PPM1H: variants seen among roughly 807,000 people sequenced by gnomAD.
PPM1H encodes protein phosphatase 1H.
Under a neutral mutation model 54.9 loss-of-function variants are expected in PPM1H, and 27 were observed. The observed-to-expected ratio is 0.49, with a 90% CI of 0.36 to 0.68. The LOEUF is 0.68. Ranked by LOEUF, PPM1H falls within the 30% of genes least tolerant of loss-of-function variation. The probability of loss-of-function intolerance (pLI) is 0.00; values close to 1 mark genes in which losing one functional copy is unlikely to be tolerated. For missense variants in PPM1H, 596 were observed against 667.8 expected, an observed-to-expected ratio of 0.89 and a Z score of 1.19; for synonymous variants, 305 against 270.8, an observed-to-expected ratio of 1.13 and a Z score of -1.24.
intron 4 of PPM1H, among the ~76,000 whole-genome samples, chr12:62,757,587 T>G (rs76496691): frequency 6.6e-6 from 1 of 152,184 alleles, no homozygotes; most frequent in Non-Finnish European, 1.5e-5. Context: ...TCACCAGAAA[T>G]GTACCATCAT....
At chr12:62,810,518 A>G (rs1158566916) in intron 2 of PPM1H, among the ~76,000 whole-genome samples, 2 of 152,096 alleles carry the variant, frequency 1.3e-5, no homozygotes, top group Non-Finnish European at 2.9e-5. Flanking sequence ...CACCCCTCAT[A>G]CTGTTGGCAA....
intron 1 of PPM1H, among the ~76,000 whole-genome samples, chr12:62,924,589 C>G (rs1390926095): frequency 6.6e-6 from 1 of 152,132 alleles, no homozygotes; most frequent in Non-Finnish European, 1.5e-5. Context: ...TTTTTCTAAG[C>G]TTTTCTCATA....
chr12:62,843,264 C>T (rs1396186680), intron 1 of PPM1H, among the ~76,000 whole-genome samples: 1 of 152,112 alleles, frequency 6.6e-6, no homozygotes, highest in Non-Finnish European at 1.5e-5. Flanking sequence ...ATGCAGTGAG[C>T]CGAGATGGCG....
At chr12:62,731,805 C>T (rs1018662455) in intron 5 of PPM1H, among the ~76,000 whole-genome samples, 2 of 152,020 alleles carry the variant, frequency 1.3e-5, no homozygotes, top group African/African-American at 4.8e-5. Flanking sequence ...AAATATGTAC[C>T]GGCAGAATGG....
At chr12:62,799,850 C>A (rs181346436) in intron 3 of PPM1H, among the ~76,000 whole-genome samples, 114 of 152,260 alleles carry the variant, frequency 7.5e-4, no homozygotes, top group Middle Eastern at 3.4e-3. Flanking sequence ...GGCTAGGTCA[C>A]CCCTCCTCAG....
chr12:62,799,851 C>T (rs1012026772), intron 3 of PPM1H, among the ~76,000 whole-genome samples: 27 of 152,204 alleles, frequency 1.8e-4, no homozygotes, highest in African/African-American at 6.5e-4. Context: ...GCTAGGTCAC[C>T]CCTCCTCAGG....
At position 62,661,290 on chromosome 12, in the gene PPM1H, T is replaced by G. The variant is rs369299304; in HGVS notation, c.1397+5888A>C. 2.0e-5 allele frequency among the ~76,000 whole-genome samples: 3 copies of G among 152,218 alleles called. No homozygotes were observed. The East Asian group carries it at 5.8e-4, about 29-fold the overall frequency. On this transcript the variant is annotated intron_variant, in intron 9 of 9. Coordinates refer to ENST00000228705, the MANE Select transcript of PPM1H (RefSeq NM_020700.2). ...AGCTGAGGTGTGTGTTCTTCACGAG[T>G]ATCTAGCAGGCCTTGGCTCACAAAA... is the stretch of plus-strand genomic sequence containing the variant.
chr12:62,819,992 C>A (rs2076892601), intron 2 of PPM1H, among the ~76,000 whole-genome samples: 2 of 152,216 alleles, frequency 1.3e-5, no homozygotes, highest in Non-Finnish European at 2.9e-5. Context: ...CTGGGAAGCG[C>A]AAGGGGTCGG....
At chr12:62,702,544 CAGAGAGAGAGAGAG>C (rs66497730) in intron 6 of PPM1H, among the ~76,000 whole-genome samples, 118 of 140,734 alleles carry the variant, frequency 8.4e-4, no homozygotes, top group African/African-American at 3.1e-3. Context: ...CCTTGAGCTA[CAGAGAGAGAGAGAG>C]AGAGAGAGAG....
intron 2 of PPM1H, among the ~76,000 whole-genome samples, chr12:62,804,380 A>G (rs1390497131): frequency 4.0e-5 from 6 of 151,106 alleles, no homozygotes; most frequent in Admixed American, 2.6e-4. Flanking sequence ...AAGAAAATAA[A>G]GTTGCATTTA....
In PPM1H at chr12:62,645,849, T is replaced by G. The variant is rs2075781605; in HGVS notation, c.*2640A>C. The G allele has an allele frequency of 6.6e-6, 1 of 152,220 alleles. No homozygotes were observed. Among genetic ancestry groups the G allele is most frequent in the Admixed American group, 6.5e-5 (1 of 15,294 alleles). The allele number at this position is 152,220 out of a possible 1,614,324, so 9.4% of individuals were successfully genotyped here. On this transcript the variant is annotated 3_prime_UTR_variant, in exon 10 of 10. Coordinates refer to ENST00000228705, the MANE Select transcript of PPM1H (RefSeq NM_020700.2). Reference sequence around the variant, plus strand: ...TTCTGAACCATGTATAAATACGTTCTGCAGAATTTCGAAGTGTGCGTCCTT... The same window carrying G: ...TTCTGAACCATGTATAAATACGTTCGGCAGAATTTCGAAGTGTGCGTCCTT...
At position 62,694,794 on chromosome 12, in the gene PPM1H, A is replaced by G. The variant is rs148021529; in HGVS notation, c.1074-795T>C. On this transcript the variant is annotated intron_variant, in intron 6 of 9. Transcript: ENST00000228705. ...GTTTCCTCATCTGTACAATGAGGCT[A>G]ATACACAGGATACAAAGAGCTCAGT... Among the ~76,000 whole-genome samples the G allele has an allele frequency of 9.0e-3, 1,365 of 152,326 alleles. 12 individuals are homozygous for G. The highest frequency in any genetic ancestry group is 0.026 in the South Asian group (127 of 4,828).
Position 62,934,708 on chromosome 12 carries a change from G to T in PPM1H, c.29C>A (p.Ala10Asp). Reference sequence around the variant, plus strand: ...AGCCATGATGCCGCCCATGAAATTGGCCACGGCAGATTTCACTCGAGTGAG... The same window carrying T: ...AGCCATGATGCCGCCCATGAAATTGTCCACGGCAGATTTCACTCGAGTGAG... MLTRVKSAVANFMGGIMAGS... is the reference protein window; with the variant it reads MLTRVKSAVDNFMGGIMAGS... Residue 10 changes from alanine (A) to aspartate (D), a missense_variant, in exon 1 of 10, where the codon GCC becomes GAC. This residue lies in a region of PPM1H where 382 missense variants were observed against 387.1 expected (regional missense o/e 0.99). Coordinates refer to ENST00000228705, the MANE Select transcript of PPM1H (RefSeq NM_020700.2). The surrounding 1 kb of genome is among the most constrained non-coding windows in gnomAD (Gnocchi z 4.2). The T allele has an allele frequency of 1.2e-6, 2 of 1,605,770 alleles. No individual in the cohort carries two copies. The highest frequency in any genetic ancestry group is 1.7e-6 in the Non-Finnish European group (2 of 1,175,694).
At chr12:62,865,018 C>T (rs1869724878) in intron 1 of PPM1H, among the ~76,000 whole-genome samples, 1 of 152,200 alleles carries the variant, frequency 6.6e-6, no homozygotes, top group African/African-American at 2.4e-5. Flanking sequence ...GTCCACTCCT[C>T]ATTAGGGCCA....
intron 1 of PPM1H, among the ~76,000 whole-genome samples, chr12:62,905,460 T>C (rs915454325): frequency 1.3e-5 from 2 of 152,182 alleles, no homozygotes; most frequent in African/African-American, 2.4e-5. Flanking sequence ...GTGAAAGACA[T>C]GATTTCATGA....
intron 2 of PPM1H, among the ~76,000 whole-genome samples, chr12:62,804,971 G>C (rs190290607): frequency 0.012 from 1,760 of 152,138 alleles, 12 homozygotes; most frequent in Non-Finnish European, 0.018. Flanking sequence ...CACCGCGCCC[G>C]GCCCATTTTG....
intron 8 of PPM1H, among the ~76,000 whole-genome samples, chr12:62,681,827 T>C (rs1328576796): frequency 6.6e-6 from 1 of 152,194 alleles, no homozygotes; most frequent in Non-Finnish European, 1.5e-5. Flanking sequence ...TCATGATACC[T>C]ATGGAAAGAA....
At chr12:62,910,874 A>G (rs116576435) in intron 1 of PPM1H, among the ~76,000 whole-genome samples, 19 of 152,348 alleles carry the variant, frequency 1.2e-4, no homozygotes, top group African/African-American at 4.6e-4. Flanking sequence ...TCTAGTTCAG[A>G]ATACAAAGTA....
At chr12:62,685,247 A>G (rs1316885401) in intron 8 of PPM1H, among the ~76,000 whole-genome samples, 2 of 151,908 alleles carry the variant, frequency 1.3e-5, no homozygotes, top group Non-Finnish European at 2.9e-5. Context: ...CTATACCATC[A>G]TTTTCCACAA....
Sources: allele counts gnomAD v4.1 joint callset (sites outside exome capture counted in the v4.1 genomes callset), GRCh38; gene constraint gnomAD v4.1.1; regional missense constraint gnomAD v4.1.1; non-coding constraint Gnocchi (gnomAD v3.1); transcripts MANE v1.5; gene names NCBI Gene and HGNC (gene_info 2026-07-23, HGNC 2026-07-21).